The following MAGI2 variants were observed in gnomAD, a reference collection of about 807,000 sequenced individuals.
The protein encoded by MAGI2 is membrane-associated guanylate kinase, WW and PDZ domain-containing protein 2.
A neutral mutation model predicts 133.3 loss-of-function variants in MAGI2; 35 were observed. That is an observed-to-expected ratio of 0.26 (90% CI 0.20 to 0.35). The LOEUF (loss-of-function observed/expected upper bound fraction) is 0.35. MAGI2 is among the 10% of genes least tolerant of loss of function. The pLI is 1.00. For synonymous variants in MAGI2, 729 were observed against 710.6 expected (o/e 1.03, Z -0.41); for missense variants, 1,636 against 1,863.4 (o/e 0.88, Z 2.25).
At chr7:78,640,113 A>T (rs189810349) in intron 2 of MAGI2, among the ~76,000 whole-genome samples, 1 of 152,140 alleles carries the variant, frequency 6.6e-6, no homozygotes, top group Non-Finnish European at 1.5e-5. Context: ...CAATTGTCAT[A>T]ATCCCCAGAA....
intron 2 of MAGI2, among the ~76,000 whole-genome samples, chr7:78,929,783 A>G (rs1264789230): frequency 6.6e-6 from 1 of 152,076 alleles, no homozygotes; most frequent in Non-Finnish European, 1.5e-5. Flanking sequence ...TTTGCCACAT[A>G]AGATAATGTA....
chr7:78,128,562 A>C (rs562810502), intron 18 of MAGI2, among the ~76,000 whole-genome samples: 181 of 152,198 alleles, frequency 1.2e-3, no homozygotes, highest in African/African-American at 4.0e-3. Flanking sequence ...CCTTTAAAAG[A>C]GTCTGGATTT....
At position 78,065,541 on chromosome 7, in the gene MAGI2, G is replaced by C. The variant is rs762888068; in HGVS notation, c.3706+13406C>G. 10 of 660,734 alleles carry C rather than the reference G, an allele frequency of 1.5e-5. No individual in the cohort carries two copies. In the East Asian group the frequency reaches 2.2e-4, roughly 14 times the overall value. The allele number at this position is 660,734 out of a possible 1,614,324, so 40.9% of individuals were successfully genotyped here. On this transcript the variant is annotated intron_variant, in intron 21 of 21. Transcript: ENST00000354212. ...ACATATGCAAAACCAAGGCTCATTA[G>C]AGAAAGATAATATTCATGCAGATTT...
chr7:78,918,812 A>T (rs2111881), intron 2 of MAGI2, among the ~76,000 whole-genome samples: 50,210 of 152,008 alleles, frequency 0.33, 10,167 homozygotes, highest in East Asian at 0.49. Context: ...ATAATTGCAT[A>T]TAAGTTTAAA....
chr7:78,512,563 G>A (rs1795694594), intron 4 of MAGI2, among the ~76,000 whole-genome samples: 1 of 152,078 alleles, frequency 6.6e-6, no homozygotes, highest in Non-Finnish European at 1.5e-5. Flanking sequence ...GTGCCACCAC[G>A]ATGGGCTGAT....
Position 79,156,431 on chromosome 7 carries a change from C to G in MAGI2, c.302-149225G>C, listed in dbSNP as rs116971922. On this transcript the variant is annotated intron_variant, in intron 1 of 21. Transcript: ENST00000354212. ...CCTTTTAAAAGGTCTGAATAGGAAA[C>G]CTTTGTCACCTATTGTCTCTAAGGG... Among the ~76,000 whole-genome samples the G allele has an allele frequency of 2.1e-3, 315 of 152,156 alleles. 3 individuals are homozygous for G. The highest frequency in any genetic ancestry group is 2.9e-3 in the Non-Finnish European group (196 of 67,974).
intron 3 of MAGI2, among the ~76,000 whole-genome samples, chr7:78,537,005 A>T (rs1563139493): frequency 6.6e-6 from 1 of 151,778 alleles, no homozygotes; most frequent in Non-Finnish European, 1.5e-5. Flanking sequence ...TATCATTCTT[A>T]TGCCTTTGTG....
intron 10 of MAGI2, chr7:78,255,719 G>C: frequency 1.6e-6 from 1 of 613,146 alleles, no homozygotes. Flanking sequence ...CTGTAAGACT[G>C]AAAGAACTAT....
chr7:78,921,054 C>G (rs1799184744), intron 2 of MAGI2, among the ~76,000 whole-genome samples: 1 of 152,074 alleles, frequency 6.6e-6, no homozygotes, highest in Non-Finnish European at 1.5e-5. Context: ...ATTGTCTATT[C>G]TTGACATTCC....
chr7:78,427,163 G>A (rs1032804774), intron 6 of MAGI2, among the ~76,000 whole-genome samples: 25 of 151,870 alleles, frequency 1.6e-4, no homozygotes, highest in Non-Finnish European at 1.2e-4. Context: ...CAAGAGAGCA[G>A]AAATAGAGGA....
At chr7:78,220,025 T>A (rs1167329818) in intron 10 of MAGI2, among the ~76,000 whole-genome samples, 1 of 152,190 alleles carries the variant, frequency 6.6e-6, no homozygotes, top group Non-Finnish European at 1.5e-5. Flanking sequence ...TGCTGCAGAA[T>A]GGAGTCCAAA....
At chr7:78,866,798 A>AC (rs1794597297) in intron 2 of MAGI2, among the ~76,000 whole-genome samples, 1 of 152,150 alleles carries the variant, frequency 6.6e-6, no homozygotes. Flanking sequence ...ACAGAGAAAA[A>AC]CAACCTACAT....
At chr7:78,202,069 T>C (rs1286138921) in intron 10 of MAGI2, among the ~76,000 whole-genome samples, 5 of 152,190 alleles carry the variant, frequency 3.3e-5, no homozygotes, top group Non-Finnish European at 7.4e-5. Flanking sequence ...ATTGAGCACA[T>C]AGAACAAAAT....
chr7:79,276,739 A>G (rs529358819), intron 1 of MAGI2, among the ~76,000 whole-genome samples: 5 of 152,158 alleles, frequency 3.3e-5, no homozygotes, highest in Non-Finnish European at 7.3e-5. Context: ...CAAGGCAGGC[A>G]GATCGCTTGA....
intron 4 of MAGI2, among the ~76,000 whole-genome samples, chr7:78,516,722 T>G (rs1289096298): frequency 6.6e-6 from 1 of 152,174 alleles, no homozygotes; most frequent in Non-Finnish European, 1.5e-5. Flanking sequence ...GGAAGGATCC[T>G]GGAGGCATAC....
In MAGI2 at chr7:78,059,777, A is replaced by ATATATTTTT. The variant is rs368179491; in HGVS notation, c.3706+19169_3706+19170insAAAAATATA. On this transcript the variant is annotated intron_variant, in intron 21 of 21. Coordinates refer to ENST00000354212, the MANE Select transcript of MAGI2 (RefSeq NM_012301.4). ...AACAATGCCATATATATATATATATATTTTTTTTCTGGAGTCCCTACAGCA... is the reference window on the plus strand; with the variant it reads ...AACAATGCCATATATATATATATATATATATTTTTTTTTTTTTCTGGAGTCCCTACAGCA... Among the ~76,000 whole-genome samples, 503 of 146,112 alleles carry ATATATTTTT rather than the reference A, an allele frequency of 3.4e-3. 1 individual carries two copies. The highest frequency in any genetic ancestry group is 0.011 in the African/African-American group (444 of 39,514).
intron 6 of MAGI2, chr7:78,487,487 A>G (rs1584360926): frequency 1.3e-5 from 2 of 152,304 alleles, no homozygotes; most frequent in East Asian, 3.9e-4. Context: ...ACCTTTGTAT[A>G]TTGACATATG....
intron 12 of MAGI2, among the ~76,000 whole-genome samples, chr7:78,192,785 A>G (rs934310358): frequency 2.6e-5 from 4 of 152,200 alleles, no homozygotes; most frequent in Non-Finnish European, 2.9e-5. Context: ...CCCTGAAAAC[A>G]TTACTGTGAC....
chr7:79,023,308 C>A (rs1050714624), intron 1 of MAGI2, among the ~76,000 whole-genome samples: 2 of 152,056 alleles, frequency 1.3e-5, no homozygotes, highest in African/African-American at 4.8e-5. Flanking sequence ...TAACCCTCTA[C>A]AAACTAGGCA....
Sources: gnomAD v4.1 joint callset for allele counts (sites outside exome capture counted in the v4.1 genomes callset) on GRCh38, gnomAD v4.1.1 for gene constraint, MANE v1.5 for transcripts, NCBI Gene and HGNC (gene_info 2026-07-23, HGNC 2026-07-21) for gene names.